The following MAP2K1 variants were observed in gnomAD, a reference collection of about 807,000 sequenced individuals.
MAP2K1 encodes mitogen-activated protein kinase kinase 1, also known as dual specificity mitogen-activated protein kinase kinase 1.
Under a neutral mutation model 46.3 loss-of-function variants are expected in MAP2K1, and 16 were observed. The ratio of observed to expected loss-of-function variants is 0.35; its 90% CI spans 0.23 to 0.52. The LOEUF is 0.52. Ranked by LOEUF, MAP2K1 falls within the 20% of genes least tolerant of loss-of-function variation. The pLI is 0.94. For synonymous variants in MAP2K1, 183 were observed against 185.6 expected, an observed-to-expected ratio of 0.99 and a Z score of 0.11; for missense variants, 263 against 497.1, an observed-to-expected ratio of 0.53 and a Z score of 4.48.
chr15:66,404,964 A>G (rs1344739772), intron 1 of MAP2K1, among the ~76,000 whole-genome samples: 2 of 152,228 alleles, frequency 1.3e-5, no homozygotes, highest in Non-Finnish European at 2.9e-5. Flanking sequence ...CTACTGCAAG[A>G]AAGAGAGTAG....
chr15:66,409,929 G>A (rs947108894), intron 1 of MAP2K1, among the ~76,000 whole-genome samples: 2 of 152,112 alleles, frequency 1.3e-5, no homozygotes, highest in African/African-American at 4.8e-5. Flanking sequence ...TTAATCATCC[G>A]TTTCCCCATC....
intron 1 of MAP2K1, chr15:66,402,090 A>G: frequency 1.1e-6 from 1 of 899,852 alleles, no homozygotes; most frequent in South Asian, 1.4e-5. Context: ...TGATGTGGTT[A>G]CTACATTGTT....
At chr15:66,489,644 A>G (rs1450590364) in intron 9 of MAP2K1, 74 bp from the exon 10 acceptor site, 1 of 1,110,624 alleles carries the variant, frequency 9.0e-7, no homozygotes, top group Non-Finnish European at 1.4e-6. Flanking sequence ...CAGAGAAGAC[A>G]GGCATGCAAA....
At chr15:66,420,721 A>ATATATATATATATATATGTGTG (rs1461381065) in intron 1 of MAP2K1, among the ~76,000 whole-genome samples, 2 of 29,684 alleles carry the variant, frequency 6.7e-5, no homozygotes, top group African/African-American at 2.4e-4. Flanking sequence ...ATATATATAT[A>ATATATATATATATATATGTGTG]TGTGTGTGTG....
chr15:66,470,359 T>C (rs1225277147), intron 5 of MAP2K1, among the ~76,000 whole-genome samples: 1 of 152,058 alleles, frequency 6.6e-6, no homozygotes, highest in Non-Finnish European at 1.5e-5. Context: ...CAAACCCTAA[T>C]TCAGTTACTT....
chr15:66,400,054 A>G (rs2093377675), intron 1 of MAP2K1, among the ~76,000 whole-genome samples: 1 of 152,144 alleles, frequency 6.6e-6, no homozygotes, highest in African/African-American at 2.4e-5. Context: ...CTTATTAGGA[A>G]ACATACTTTT....
chr15:66,420,869 G>A (rs796899302), intron 1 of MAP2K1, among the ~76,000 whole-genome samples: 15 of 127,376 alleles, frequency 1.2e-4, no homozygotes, highest in African/African-American at 3.2e-4. Context: ...GTATATATAT[G>A]TGTGTATATA....
At position 66,408,123 on chromosome 15, in the gene MAP2K1, A is replaced by G. The variant is rs182799731; in HGVS notation, c.80+20696A>G. Reference sequence around the variant, plus strand: ...TTTATCCAACAGAAAGGATTCATACACTCTGTGTGTAAACTGCTTTTTGTG... The same window carrying G: ...TTTATCCAACAGAAAGGATTCATACGCTCTGTGTGTAAACTGCTTTTTGTG... On this transcript the variant is annotated intron_variant, in intron 1 of 10. Coordinates refer to ENST00000307102, the MANE Select transcript of MAP2K1 (RefSeq NM_002755.4). Among the ~76,000 whole-genome samples the G allele has an allele frequency of 5.3e-5, 8 of 152,282 alleles. No homozygotes were observed. The East Asian group carries it at 1.2e-3, about 22-fold the overall frequency.
intron 1 of MAP2K1, among the ~76,000 whole-genome samples, chr15:66,432,331 CG>C (rs1305589435): frequency 6.6e-6 from 1 of 152,106 alleles, no homozygotes; most frequent in East Asian, 1.9e-4. Flanking sequence ...GGTGGTTAAA[CG>C]GCAAGGCATA....
chr15:66,485,261 G>A, intron 7 of MAP2K1, 70 bp downstream of exon 7: 1 of 1,406,084 alleles, frequency 7.1e-7, no homozygotes, highest in Non-Finnish European at 9.8e-7. Flanking sequence ...GGGGTTTCTG[G>A]AGGGCTGATT....
At chr15:66,392,514 T>C (rs1380300837) in intron 1 of MAP2K1, among the ~76,000 whole-genome samples, 1 of 151,198 alleles carries the variant, frequency 6.6e-6, no homozygotes, top group Non-Finnish European at 1.5e-5. Flanking sequence ...TGACCATCCC[T>C]AAATTTTATA....
intron 5 of MAP2K1, chr15:66,453,492 C>T: frequency 1.4e-6 from 1 of 702,292 alleles, no homozygotes; most frequent in Non-Finnish European, 2.6e-6. Flanking sequence ...ACTGTAAGGC[C>T]TGGACTATGG....
At chr15:66,468,459 T>C (rs1892522034) in intron 5 of MAP2K1, among the ~76,000 whole-genome samples, 1 of 152,108 alleles carries the variant, frequency 6.6e-6, no homozygotes, top group African/African-American at 2.4e-5. Context: ...TAGAGGAAGA[T>C]TAAAGGTGGA....
chr15:66,402,610 T>G lies in MAP2K1; in HGVS notation c.80+15183T>G, dbSNP rs554577142. On this transcript the variant is annotated intron_variant, in intron 1 of 10. Transcript: ENST00000307102. Reference sequence around the variant, plus strand: ...TATTATAGTTTCTTAATAATTCTCTTGCGTCCTGAGTTAATATTTCAAATA... The same window carrying G: ...TATTATAGTTTCTTAATAATTCTCTGGCGTCCTGAGTTAATATTTCAAATA... Among the ~76,000 whole-genome samples, 89 of 152,336 alleles carry G rather than the reference T, an allele frequency of 5.8e-4. 1 individual carries two copies. The South Asian group carries it at 8.1e-3, about 14-fold the overall frequency.
At chr15:66,411,948 A>G (rs2093412368) in intron 1 of MAP2K1, among the ~76,000 whole-genome samples, 1 of 152,210 alleles carries the variant, frequency 6.6e-6, no homozygotes, top group Admixed American at 6.5e-5. Flanking sequence ...ACCAGTTACC[A>G]GCAGAGTTAA....
chr15:66,420,757 G>GTATATATA (rs1490616757), intron 1 of MAP2K1, among the ~76,000 whole-genome samples: 4 of 20,254 alleles, frequency 2.0e-4, no homozygotes, highest in African/African-American at 3.9e-4. Flanking sequence ...GTGTGTGTGT[G>GTATATATA]TGTATGTGTG....
At chr15:66,437,408 A>G (rs1215493701) in intron 3 of MAP2K1, among the ~76,000 whole-genome samples, 1 of 152,160 alleles carries the variant, frequency 6.6e-6, no homozygotes, top group African/African-American at 2.4e-5. Context: ...TCATTTTACC[A>G]CTATGTTCTT....
intron 5 of MAP2K1, among the ~76,000 whole-genome samples, chr15:66,467,359 C>A (rs1892493547): frequency 6.6e-6 from 1 of 152,174 alleles, no homozygotes; most frequent in Non-Finnish European, 1.5e-5. Flanking sequence ...TGGGCATAGA[C>A]AGAACTAACT....
intron 1 of MAP2K1, among the ~76,000 whole-genome samples, chr15:66,434,463 A>G (rs1187743344): frequency 6.6e-6 from 1 of 152,206 alleles, no homozygotes; most frequent in African/African-American, 2.4e-5. Context: ...ATGCAGATTT[A>G]TATACATTGA....
Sources: allele counts gnomAD v4.1 joint callset (sites outside exome capture counted in the v4.1 genomes callset), GRCh38; gene constraint gnomAD v4.1.1; transcripts MANE v1.5; gene names NCBI Gene and HGNC (gene_info 2026-07-23, HGNC 2026-07-21).